Variants in CENPB observed in about 807,000 individuals in gnomAD.
CENPB encodes the protein major centromere autoantigen B.
Under a neutral mutation model 41.9 loss-of-function variants are expected in CENPB, and 19 were observed. The observed-to-expected ratio is 0.45, with a 90% CI of 0.32 to 0.67. The LOEUF is 0.67. CENPB is among the 30% of genes least tolerant of loss of function. The probability of loss-of-function intolerance (pLI) is 0.04; values close to 1 mark genes in which losing one functional copy is unlikely to be tolerated. For missense variants in CENPB, 614 were observed against 816.2 expected (o/e 0.75, Z 3.02); for synonymous variants, 399 against 354.4 (o/e 1.13, Z -1.41).
In CENPB at chr20:3,784,827, T is replaced by C. The variant is rs1223829356; in HGVS notation, c.1657A>G (p.Met553Val). Residue 553 changes from methionine to valine, a missense_variant, in exon 1 of 1, where the codon ATG (methionine) becomes GTG (valine). Coordinates refer to ENST00000379751, the MANE Select transcript of CENPB (RefSeq NM_001810.6). This position sits in a 1 kb window ranked among gnomAD's most constrained non-coding sequence, Gnocchi z 5.2. ...AAGGAGGTCAGGTACCTCTTGACCA[T>C]GGCAAAGTAAGCCATGGCCTCCCCA... ...SFGEAMAYFA[M>V]VKRYLTSFPI... 2 of 1,614,040 alleles carry C rather than the reference T, an allele frequency of 1.2e-6. No individual in the cohort carries two copies. The highest frequency in any genetic ancestry group is 2.7e-5 in the African/African-American group (2 of 74,926).
rs781437027 is a variant in CENPB at position 3,785,984 on chromosome 20, C to T, written c.500G>A (p.Gly167Glu). 11 of 1,517,272 alleles carry T rather than the reference C, an allele frequency of 7.2e-6. No individual in the cohort carries two copies. The highest frequency in any genetic ancestry group is 2.6e-6 in the Non-Finnish European group (3 of 1,143,790). The allele number at this position is 1,517,272 out of a possible 1,614,324, so 94.0% of individuals were successfully genotyped here. Residue 167 changes from glycine (G) to glutamate (E), a missense_variant, in exon 1 of 1, where the codon GGG becomes GAG. Gly to Glu is a moderately conservative substitution (Grantham distance 98, BLOSUM62 -2). This residue lies in a region of CENPB where 537 missense variants were observed against 629.4 expected (regional missense o/e 0.85). Coordinates refer to ENST00000379751, the MANE Select transcript of CENPB (RefSeq NM_001810.6). ...PAAVPSEGSG[G>E]STTGWRAREE... is the part of the protein sequence containing the mutation. ...CCGAGCGCGCCAACCAGTAGTGCTC[C>T]CGCCACTGCCCTCCGAGGGCACCGC... is the stretch of plus-strand genomic sequence containing the variant.
rs779157663 is a variant in CENPB at position 3,784,924 on chromosome 20, CTCA to C, written c.1557_1559del (p.Asp519del). On this transcript the variant is annotated inframe_deletion, in exon 1 of 1. Coordinates refer to ENST00000379751, the MANE Select transcript of CENPB (RefSeq NM_001810.6). The surrounding 1 kb of genome is among the most constrained non-coding windows in gnomAD (Gnocchi z 5.2). ...CGTCTTCATCTTCATCATCCTCTTC[CTCA>C]TCGTCCTCTTCCTCACTGTCTGAAT... The C allele has an allele frequency of 3.6e-5, 58 of 1,613,686 alleles. No homozygotes were observed. Among genetic ancestry groups the C allele is most frequent in the Non-Finnish European group, 4.7e-5 (56 of 1,179,712 alleles).
Position 3,786,420 on chromosome 20 carries a change from C to T in CENPB, c.64G>A (p.Glu22Lys), listed in dbSNP as rs780512777. 4 of 1,597,860 alleles carry T rather than the reference C, an allele frequency of 2.5e-6. No homozygotes were observed. Among genetic ancestry groups the T allele is most frequent in the South Asian group, 1.1e-5 (1 of 91,022 alleles). ...EKSRIIQEVE[E>K]NPDLRKGEIA... ...TCGCCCTTGCGCAGGTCCGGATTCT[C>T]CTCCACCTCCTGGATGATCCGTGAC... The change falls in exon 1 of 1, where the codon GAG (glutamate) becomes AAG (lysine). Residue 22 changes from glutamate to lysine, a missense_variant. By Grantham distance (56) the Glu-to-Lys change is moderately conservative (BLOSUM62 1). Coordinates refer to ENST00000379751, the MANE Select transcript of CENPB (RefSeq NM_001810.6).
At position 3,786,490 on chromosome 20, in the gene CENPB, G is replaced by GCCTCCTCCC; in HGVS notation, c.-8_-7insGGGAGGAGG. On this transcript the variant is annotated 5_prime_UTR_variant, in exon 1 of 1. Transcript: ENST00000379751. ...GTCGCCTCTTGGGGCCCATCCCGGC[G>GCCTCCTCCC]CGCCCCCCGCCCCGGGGCCCGGCGC... 1 of 1,317,250 alleles carries GCCTCCTCCC rather than the reference G, an allele frequency of 7.6e-7. No homozygotes were observed. Among genetic ancestry groups the GCCTCCTCCC allele is most frequent in the East Asian group, 3.2e-5 (1 of 31,140 alleles). 81.6% of individuals were successfully genotyped at this position (1,317,250 alleles called of 1,614,324 possible). A position where few individuals can be genotyped will look rare whatever the true frequency, so the allele number is the denominator to read the frequency against.
Position 3,785,088 on chromosome 20 carries a change from T to C in CENPB, c.1396A>G (p.Ser466Gly). Residue 466 changes from serine to glycine, a missense_variant, in exon 1 of 1, where the codon AGC becomes GGC. By Grantham distance (56) the Ser-to-Gly change is moderately conservative. This residue lies in a region of CENPB where 537 missense variants were observed against 629.4 expected (regional missense o/e 0.85). Coordinates refer to ENST00000379751, the MANE Select transcript of CENPB (RefSeq NM_001810.6). ...SDEEEEEDEE[S>G]SSEGLEAEDW... ...TCAGCCTCCAAGCCCTCCGAGGAGC[T>C]CTCCTCATCTTCCTCCTCTTCTTCA... The C allele has an allele frequency of 1.9e-6, 3 of 1,610,574 alleles. No homozygotes were observed. Among genetic ancestry groups the C allele is most frequent in the Non-Finnish European group, 2.5e-6 (3 of 1,178,878 alleles).
At position 3,786,202 on chromosome 20, in the gene CENPB, C is replaced by T. The variant is rs1156438324; in HGVS notation, c.282G>A (p.Pro94=). The change falls in exon 1 of 1, where the codon CCG becomes CCA. Residue 94 remains proline, a synonymous_variant. Coordinates refer to ENST00000379751, the MANE Select transcript of CENPB (RefSeq NM_001810.6). ...WFQQIRAAGL[P]VKGIILKEKA... ...TCTCCTTGAGGATGATGCCCTTGAC[C>T]GGCAGGCCGGCGGCGCGGATCTGCT... The T allele has an allele frequency of 3.7e-6, 6 of 1,601,250 alleles. No individual in the cohort carries two copies. Among genetic ancestry groups the T allele is most frequent in the African/African-American group, 1.3e-5 (1 of 74,746 alleles).
In CENPB at chr20:3,784,561, G is replaced by T; in HGVS notation, c.*123C>A. The T allele has an allele frequency of 8.5e-7, 1 of 1,180,708 alleles. No individual in the cohort carries two copies. The highest frequency in any genetic ancestry group is 1.2e-6 in the Non-Finnish European group (1 of 833,616). 73.1% of individuals were successfully genotyped at this position (1,180,708 alleles called of 1,614,324 possible). Reference sequence around the variant, plus strand: ...GACCGGGCCTGTTGCAGGACCAGGGGAAGCATTACTAAAGGATCTGGGGCT... The same window carrying T: ...GACCGGGCCTGTTGCAGGACCAGGGTAAGCATTACTAAAGGATCTGGGGCT... On this transcript the variant is annotated 3_prime_UTR_variant, in exon 1 of 1. Coordinates refer to ENST00000379751, the MANE Select transcript of CENPB (RefSeq NM_001810.6). This position sits in a 1 kb window ranked among gnomAD's most constrained non-coding sequence, Gnocchi z 5.2.
chr20:3,785,827 A>C lies in CENPB; in HGVS notation c.657T>G (p.Arg219=). The C allele has an allele frequency of 6.2e-7, 1 of 1,608,652 alleles. No individual in the cohort carries two copies. Among genetic ancestry groups the C allele is most frequent in the Non-Finnish European group, 8.5e-7 (1 of 1,178,084 alleles). ...AGLCGGDGRP[R]QATQRLSVLL... ...GGACGCTCAGGCGCTGGGTGGCTTG[A>C]CGCGGCCGTCCGTCGCCTCCGCACA... is the stretch of plus-strand genomic sequence containing the variant. Residue 219 remains arginine (R), a synonymous_variant, in exon 1 of 1, where the codon CGT becomes CGG. Coordinates refer to ENST00000379751, the MANE Select transcript of CENPB (RefSeq NM_001810.6).
chr20:3,785,485 C>T lies in CENPB; in HGVS notation c.999G>A (p.Val333=). Reference sequence around the variant, plus strand: ...GCATGGCCTGGCGGTAGTGGCCCTTCACCTGCTGGACCACTCCCCTCTCCA... The same window carrying T: ...GCATGGCCTGGCGGTAGTGGCCCTTTACCTGCTGGACCACTCCCCTCTCCA... ...HPLERGVVQQ[V]KGHYRQAMLL... The change falls in exon 1 of 1, where the codon GTG becomes GTA. Residue 333 remains valine, a synonymous_variant. Transcript: ENST00000379751. 1 of 1,592,020 alleles carries T rather than the reference C, an allele frequency of 6.3e-7. No homozygotes were observed. The highest frequency in any genetic ancestry group is 8.5e-7 in the Non-Finnish European group (1 of 1,169,602).
chr20:3,784,915 A>ATCCTCTTCCTCATCG lies in CENPB; in HGVS notation c.1554_1568dup (p.Glu521_Glu525dup). The ATCCTCTTCCTCATCG allele has an allele frequency of 6.2e-7, 1 of 1,613,664 alleles. No individual in the cohort carries two copies. Among genetic ancestry groups the ATCCTCTTCCTCATCG allele is most frequent in the Non-Finnish European group, 8.5e-7 (1 of 1,179,838 alleles). ...CATCATCGTCGTCTTCATCTTCATC[A>ATCCTCTTCCTCATCG]TCCTCTTCCTCATCGTCCTCTTCCT... is the stretch of plus-strand genomic sequence containing the variant. On this transcript the variant is annotated inframe_insertion, in exon 1 of 1. Coordinates refer to ENST00000379751, the MANE Select transcript of CENPB (RefSeq NM_001810.6). The surrounding 1 kb of genome is among the most constrained non-coding windows in gnomAD (Gnocchi z 5.2).
Position 3,785,565 on chromosome 20 carries a change from AGGTGTCCAAGGACT to A in CENPB, c.905_918del (p.Gln302LeufsTer80). 6.2e-7 allele frequency: 1 copy of A among 1,600,322 alleles called. No homozygotes were observed. Among genetic ancestry groups the A allele is most frequent in the Non-Finnish European group, 8.5e-7 (1 of 1,173,964 alleles). ...GCCAGCTGCACATGCCGCAGGCCCGAGGTGTCCAAGGACTGGGCAGCCAAGCGGCCGGCCAACAG... is the reference window on the plus strand; with the variant it reads ...GCCAGCTGCACATGCCGCAGGCCCGAGGGCAGCCAAGCGGCCGGCCAACAG... On this transcript the variant is annotated frameshift_variant, in exon 1 of 1. Transcript: ENST00000379751. LOFTEE classifies it high-confidence loss of function.
At position 3,785,235 on chromosome 20, in the gene CENPB, C is replaced by T. The variant is rs1465129765; in HGVS notation, c.1249G>A (p.Glu417Lys). 1 of 1,537,572 alleles carries T rather than the reference C, an allele frequency of 6.5e-7. No homozygotes were observed. Among genetic ancestry groups the T allele is most frequent in the Non-Finnish European group, 8.8e-7 (1 of 1,140,504 alleles). ...EEEEEEEEEE[E>K]EEGEGEEEEE... ...TCTTCCTCTCCTTCACCCTCTTCCT[C>T]CTCCTCTTCTTCCTCCTCCTCCTCC... Residue 417 changes from glutamate to lysine, a missense_variant, in exon 1 of 1, where the codon GAG (glutamate) becomes AAG (lysine). By Grantham distance (56) the Glu-to-Lys change is moderately conservative. Coordinates refer to ENST00000379751, the MANE Select transcript of CENPB (RefSeq NM_001810.6).
rs1028969762 is a variant in CENPB, at chr20:3,784,383, C to A, written c.*301G>T. ...ATCCCTGGCTGCTGCTGTGGTTAGTCCACTGAGGGCACGGTGTGGTAGCAC... is the reference window on the plus strand; with the variant it reads ...ATCCCTGGCTGCTGCTGTGGTTAGTACACTGAGGGCACGGTGTGGTAGCAC... On this transcript the variant is annotated 3_prime_UTR_variant, in exon 1 of 1. Coordinates refer to ENST00000379751, the MANE Select transcript of CENPB (RefSeq NM_001810.6). The surrounding 1 kb of genome is among the most constrained non-coding windows in gnomAD (Gnocchi z 5.2). 1.0e-5 allele frequency: 4 copies of A among 393,202 alleles called. No homozygotes were observed. The highest frequency in any genetic ancestry group is 8.3e-5 in the African/African-American group (4 of 48,168). The allele number at this position is 393,202 out of a possible 1,614,324, so 24.4% of individuals were successfully genotyped here. A position where few individuals can be genotyped will look rare whatever the true frequency, so the allele number is the denominator to read the frequency against.
Position 3,784,801 on chromosome 20 carries a change from G to A in CENPB, c.1683C>T (p.Phe561=), listed in dbSNP as rs374655035. ...FAMVKRYLTS[F]PIDDRVQSHI... ...GGCTCTGCACGCGGTCATCAATGGG[G>A]AAGGAGGTCAGGTACCTCTTGACCA... Residue 561 remains phenylalanine (F), a synonymous_variant, in exon 1 of 1, where the codon TTC becomes TTT. Transcript: ENST00000379751. This position sits in a 1 kb window ranked among gnomAD's most constrained non-coding sequence, Gnocchi z 5.2. 6 of 1,614,054 alleles carry A rather than the reference G, an allele frequency of 3.7e-6. No individual in the cohort carries two copies. In the African/African-American group the frequency reaches 6.7e-5, roughly 18 times the overall value.
rs1167453032 is a variant in CENPB at position 3,784,929 on chromosome 20, C to T, written c.1555G>A (p.Asp519Asn). The T allele has an allele frequency of 6.2e-6, 10 of 1,613,722 alleles. No homozygotes were observed. The highest frequency in any genetic ancestry group is 2.2e-5 in the East Asian group (1 of 44,888). ...TCATCTTCATCATCCTCTTCCTCAT[C>T]GTCCTCTTCCTCACTGTCTGAATCA... Reference protein sequence around the residue: ...DSDSDSEEEDDEEEDDEDEDD... With the variant: ...DSDSDSEEEDNEEEDDEDEDD... The change falls in exon 1 of 1, where the codon GAT becomes AAT. Residue 519 changes from aspartate (D) to asparagine (N), a missense_variant. Asp to Asn is a conservative substitution (Grantham distance 23). Transcript: ENST00000379751. The surrounding 1 kb of genome is among the most constrained non-coding windows in gnomAD (Gnocchi z 5.2).
Position 3,784,364 on chromosome 20 carries a change from G to C in CENPB, c.*320C>G, listed in dbSNP as rs1238124283. On this transcript the variant is annotated 3_prime_UTR_variant, in exon 1 of 1. Transcript: ENST00000379751. This position sits in a 1 kb window ranked among gnomAD's most constrained non-coding sequence, Gnocchi z 5.2. The stretch of plus-strand genomic sequence containing the variant: ...CCGGGAACCTCCAGGGCCCATCCCT[G>C]GCTGCTGCTGTGGTTAGTCCACTGA... 3.1e-6 allele frequency: 1 copy of C among 324,846 alleles called. No homozygotes were observed. The highest frequency in any genetic ancestry group is 2.2e-5 in the African/African-American group (1 of 45,918). 20.1% of individuals were successfully genotyped at this position (324,846 alleles called of 1,614,324 possible).
At position 3,784,631 on chromosome 20, in the gene CENPB, G is replaced by A; in HGVS notation, c.*53C>T. 3.1e-6 allele frequency: 5 copies of A among 1,588,750 alleles called. No homozygotes were observed. In the South Asian group the frequency reaches 5.7e-5, roughly 18 times the overall value. ...ACAGCGGGTGCCCAGAGAGTCCTCT[G>A]CCCTGGGGTGGTGCTGCCAATCTAG... On this transcript the variant is annotated 3_prime_UTR_variant, in exon 1 of 1. Transcript: ENST00000379751. This position sits in a 1 kb window ranked among gnomAD's most constrained non-coding sequence, Gnocchi z 5.2.
rs1226205081 is a variant in CENPB, at chr20:3,784,440, CCT to C, written c.*242_*243del. The stretch of plus-strand genomic sequence containing the variant: ...GCTCCCCACCCGCCCCACCTGGTCC[CCT>C]GAGCCCAGGGCCAAATGGGGAGGAA... On this transcript the variant is annotated 3_prime_UTR_variant, in exon 1 of 1. Transcript: ENST00000379751. The surrounding 1 kb of genome is among the most constrained non-coding windows in gnomAD (Gnocchi z 5.2). 1.9e-5 allele frequency: 10 copies of C among 519,022 alleles called. No homozygotes were observed. Among genetic ancestry groups the C allele is most frequent in the Middle Eastern group, 5.2e-4 (1 of 1,940 alleles). 32.2% of individuals were successfully genotyped at this position (519,022 alleles called of 1,614,324 possible).
At position 3,785,328 on chromosome 20, in the gene CENPB, C is replaced by T. The variant is rs769931259; in HGVS notation, c.1156G>A (p.Glu386Lys). 9 of 1,602,436 alleles carry T rather than the reference C, an allele frequency of 5.6e-6. No individual in the cohort carries two copies. The Admixed American group carries it at 6.8e-5, about 12-fold the overall frequency. ...TTAGGGCCACCCCCAAAGCCAGCCTCACGAAAGCAGGCGGCTATGTCCGAA... is the reference window on the plus strand; with the variant it reads ...TTAGGGCCACCCCCAAAGCCAGCCTTACGAAAGCAGGCGGCTATGTCCGAA... ...EPSDIAACFR[E>K]AGFGGGPNAT... The change falls in exon 1 of 1, where the codon GAG becomes AAG. Residue 386 changes from glutamate to lysine, a missense_variant. Physicochemically the swap from Glu to Lys is moderately conservative, Grantham distance 56. Around this residue, in one of 2 missense-constraint regions of CENPB, gnomAD observed 537 missense variants for 629.4 expected, o/e 0.85. Coordinates refer to ENST00000379751, the MANE Select transcript of CENPB (RefSeq NM_001810.6).
Sources: allele counts gnomAD v4.1 joint callset, GRCh38; gene constraint gnomAD v4.1.1; regional missense constraint gnomAD v4.1.1; non-coding constraint Gnocchi (gnomAD v3.1); transcripts MANE v1.5; gene names NCBI Gene and HGNC (gene_info 2026-07-23, HGNC 2026-07-21).